Variants in ANO2 observed in about 807,000 individuals in gnomAD.
ANO2 encodes anoctamin 2.
ANO2 carries 101 observed loss-of-function variants against 124.2 expected under a neutral mutation model. The ratio of observed to expected loss-of-function variants is 0.81; its 90% confidence interval spans 0.69 to 0.96. The LOEUF (loss-of-function observed/expected upper bound fraction) is 0.96, where lower values mean the gene tolerates loss of function less well. Ranked by LOEUF, ANO2 falls within the 40% of genes least tolerant of loss-of-function variation. ANO2 has a pLI of 0.00. For missense variants in ANO2, 1,293 were observed against 1,274.5 expected (o/e 1.01, Z -0.22); for synonymous variants, 486 against 482.5 (o/e 1.01, Z -0.09).
In ANO2 at chr12:5,658,913, C is replaced by T. The variant is rs562433871; in HGVS notation, c.1546-11112G>A. 2.0e-5 allele frequency among the ~76,000 whole-genome samples: 3 copies of T among 152,182 alleles called. No individual in the cohort carries two copies. The highest frequency in any genetic ancestry group is 4.4e-5 in the Non-Finnish European group (3 of 68,038). ...TCATTAAAATCATCATCAGCAACAG[C>T]AGCATCATCATCATCATTGCTTTAT... On this transcript the variant is annotated intron_variant, in intron 14 of 24. Coordinates refer to ENST00000682330, the MANE Select transcript of ANO2 (RefSeq NM_001364791.2). The surrounding 1 kb of genome is among the most constrained non-coding windows in gnomAD (Gnocchi z 4.3).
At chr12:5,739,480 T>A (rs1012995429) in intron 12 of ANO2, 81 bp from the exon 13 acceptor site, 6 of 1,181,682 alleles carry the variant, frequency 5.1e-6, no homozygotes, top group Non-Finnish European at 7.2e-6. Context: ...CCAGTGGAGG[T>A]GGGGGATAAG....
intron 14 of ANO2, among the ~76,000 whole-genome samples, chr12:5,697,592 T>C (rs2137022984): frequency 6.6e-6 from 1 of 152,306 alleles, no homozygotes; most frequent in Non-Finnish European, 1.5e-5. Context: ...CACTGGGGCT[T>C]GTCAGACAGT....
chr12:5,742,230 C>T (rs1951118524), intron 12 of ANO2, among the ~76,000 whole-genome samples: 1 of 152,192 alleles, frequency 6.6e-6, no homozygotes, highest in South Asian at 2.1e-4. Context: ...CAGGCCCACC[C>T]AGCACAGCAC....
intron 20 of ANO2, among the ~76,000 whole-genome samples, chr12:5,598,075 C>G (rs1406684118): frequency 2.0e-5 from 3 of 152,126 alleles, no homozygotes; most frequent in Non-Finnish European, 2.9e-5. Flanking sequence ...TGATCTAGAC[C>G]CTGCCCATTA....
intron 14 of ANO2, among the ~76,000 whole-genome samples, chr12:5,703,485 T>C (rs1333532724): frequency 1.3e-5 from 2 of 152,160 alleles, no homozygotes; most frequent in African/African-American, 4.8e-5. Context: ...TAGGATAAAA[T>C]GTATTTTATG....
At chr12:5,630,710 G>A (rs996640100) in intron 16 of ANO2, among the ~76,000 whole-genome samples, 17 of 152,192 alleles carry the variant, frequency 1.1e-4, no homozygotes, top group African/African-American at 4.1e-4. Flanking sequence ...ACAAAAATGT[G>A]CTAAGATCTG....
intron 10 of ANO2, 81 bp downstream of exon 10, chr12:5,799,426 G>T (rs1418108822): frequency 5.8e-6 from 7 of 1,204,140 alleles, no homozygotes; most frequent in South Asian, 1.3e-5. Context: ...GCAAAGGACT[G>T]TCAGAGTCAA....
At chr12:5,819,785 C>T (rs763374195) in intron 7 of ANO2, among the ~76,000 whole-genome samples, 5 of 152,172 alleles carry the variant, frequency 3.3e-5, no homozygotes, top group Admixed American at 6.5e-5. Flanking sequence ...GTGGGAACCA[C>T]AGTCACTCAA....
intron 3 of ANO2, among the ~76,000 whole-genome samples, chr12:5,867,778 GAAA>G (rs10622876): frequency 0.018 from 1,406 of 78,518 alleles, 30 homozygotes; most frequent in African/African-American, 0.059. Context: ...GCACTATAAT[GAAA>G]AAAAAAAAAA....
chr12:5,714,105 G>A (rs961867220), intron 14 of ANO2, among the ~76,000 whole-genome samples: 1 of 152,148 alleles, frequency 6.6e-6, no homozygotes, highest in South Asian at 2.1e-4. Context: ...CTAAAGTTCT[G>A]GCCCATTCTT....
intron 14 of ANO2, among the ~76,000 whole-genome samples, chr12:5,691,345 A>AAAG (rs1469531146): frequency 1.3e-5 from 1 of 75,448 alleles, no homozygotes; most frequent in Non-Finnish European, 3.0e-5. Context: ...AAAAAAAAAA[A>AAAG]AAGAAGAAGA....
chr12:5,923,180 ACACATACACACACACG>A lies in ANO2; in HGVS notation c.23-392_23-377del, dbSNP rs1565784145. Among the ~76,000 whole-genome samples, 248 of 46,782 alleles carry A rather than the reference ACACATACACACACACG, an allele frequency of 5.3e-3. 18 individuals carry two copies. The highest frequency in any genetic ancestry group is 0.01 in the Non-Finnish European group (166 of 16,022). 30.7% of individuals were successfully genotyped at this position (46,782 alleles called of 152,430 possible). A position where few individuals can be genotyped will look rare whatever the true frequency, so the allele number is the denominator to read the frequency against. The stretch of plus-strand genomic sequence containing the variant: ...CACACGCATACACACACACGCACAC[ACACATACACACACACG>A]CACGCACACACACCCACATACACAC... On this transcript the variant is annotated intron_variant, in intron 1 of 24. Coordinates refer to ENST00000682330, the MANE Select transcript of ANO2 (RefSeq NM_001364791.2).
chr12:5,832,620 C>T lies in ANO2; in HGVS notation c.634-17G>A. On this transcript the variant is annotated splice_polypyrimidine_tract_variant and intron_variant, in intron 4 of 24. Transcript: ENST00000682330. ...CTCGTACATCTATGAAAGGAAGAGC[C>T]ACAGGTCTGAAAAGGGGGCCACTTC... is the stretch of plus-strand genomic sequence containing the variant. The T allele has an allele frequency of 6.2e-7, 1 of 1,603,842 alleles. No individual in the cohort carries two copies. The highest frequency in any genetic ancestry group is 1.7e-4 in the Middle Eastern group (1 of 5,736).
intron 1 of ANO2, among the ~76,000 whole-genome samples, chr12:5,931,377 C>T (rs1942373446): frequency 6.6e-6 from 1 of 152,154 alleles, no homozygotes; most frequent in Non-Finnish European, 1.5e-5. Flanking sequence ...TCATTCATTG[C>T]AGACCCATTT....
At chr12:5,827,958 G>C (rs888386910) in intron 6 of ANO2, 138 bp from the exon 7 acceptor site, 11 of 874,946 alleles carry the variant, frequency 1.3e-5, no homozygotes, top group Non-Finnish European at 1.9e-5. Context: ...GCATGTGCCT[G>C]GCTCATGGCC....
At chr12:5,898,134 A>G (rs892595227) in intron 3 of ANO2, among the ~76,000 whole-genome samples, 2 of 152,204 alleles carry the variant, frequency 1.3e-5, no homozygotes, top group African/African-American at 4.8e-5. Flanking sequence ...AAAAAAATAT[A>G]TGAAAAGGTT....
chr12:5,655,626 G>A (rs1357343340), intron 14 of ANO2, among the ~76,000 whole-genome samples: 4 of 152,208 alleles, frequency 2.6e-5, no homozygotes, highest in Admixed American at 2.6e-4. Flanking sequence ...TTGGCAATGT[G>A]ACTGACAATT....
chr12:5,814,484 C>G (rs1200715175), intron 7 of ANO2, among the ~76,000 whole-genome samples: 1 of 152,236 alleles, frequency 6.6e-6, no homozygotes, highest in Non-Finnish European at 1.5e-5. Flanking sequence ...TCCGACTACT[C>G]TATTTAAAAT....
chr12:5,930,790 C>A (rs60053534), intron 1 of ANO2, among the ~76,000 whole-genome samples: 15,202 of 152,188 alleles, frequency 0.1, 1,228 homozygotes, highest in African/African-American at 0.22. Flanking sequence ...AGAGGTCCTG[C>A]AGAACAGCAC....
Sources: allele counts gnomAD v4.1 joint callset (sites outside exome capture counted in the v4.1 genomes callset), GRCh38; gene constraint gnomAD v4.1.1; non-coding constraint Gnocchi (gnomAD v3.1); transcripts MANE v1.5; gene names NCBI Gene and HGNC (gene_info 2026-07-23, HGNC 2026-07-21).